ST3GAL6: variants seen among roughly 807,000 people sequenced by gnomAD.
ST3GAL6 encodes the protein type 2 lactosamine alpha-2,3-sialyltransferase.
ST3GAL6 carries 31 observed loss-of-function variants against 40.5 expected under a neutral mutation model. That is an observed-to-expected ratio of 0.77 (90% CI 0.58 to 1.03). The LOEUF is 1.03. ST3GAL6 is among the 50% of genes least tolerant of loss of function. ST3GAL6 has a pLI of 0.00. For synonymous variants in ST3GAL6, 129 were observed against 136.9 expected, an observed-to-expected ratio of 0.94 and a Z score of 0.40; for missense variants, 357 against 393.2, an observed-to-expected ratio of 0.91 and a Z score of 0.78.
At chr3:98,783,907 G>T (rs914373543) in intron 5 of ST3GAL6, among the ~76,000 whole-genome samples, 10 of 152,200 alleles carry the variant, frequency 6.6e-5, no homozygotes, top group African/African-American at 1.9e-4. Context: ...AATGAATATA[G>T]GAGTGTGTAC....
rs1397123176 is a variant in ST3GAL6, at chr3:98,772,899, A to G, written c.254A>G (p.Tyr85Cys). 3.1e-6 allele frequency: 5 copies of G among 1,610,902 alleles called. No individual in the cohort carries two copies. Among genetic ancestry groups the G allele is most frequent in the South Asian group, 2.2e-5 (2 of 90,958 alleles). The change falls in exon 4 of 10, where the codon TAT becomes TGT. Residue 85 changes from tyrosine to cysteine, a missense_variant. By Grantham distance (194) the Tyr-to-Cys change is radical. Transcript: ENST00000483910. ...LYGSDKFDLP[Y>C]GMRTSAEYFR... ...GGTAGCGATAAGTTTGATTTGCCCT[A>G]TGGGATGAGAACATCAGGTCAGTAG... is the stretch of plus-strand genomic sequence containing the variant.
At chr3:98,763,569 C>A in intron 1 of ST3GAL6, 130 bp downstream of exon 1, 1 of 837,468 alleles carries the variant, frequency 1.2e-6, no homozygotes, top group Non-Finnish European at 1.7e-6. Context: ...CTCTTATTTG[C>A]ACAAAGATGT....
intron 1 of ST3GAL6, among the ~76,000 whole-genome samples, chr3:98,753,410 G>A (rs1937174238): frequency 6.6e-6 from 1 of 152,206 alleles, no homozygotes; most frequent in Non-Finnish European, 1.5e-5. Context: ...TTAAAGAAGA[G>A]GCTGCAACAA....
intron 4 of ST3GAL6, chr3:98,773,617 C>T (rs1274212060): frequency 9.4e-6 from 2 of 212,156 alleles, no homozygotes; most frequent in Non-Finnish European, 1.8e-5. Flanking sequence ...GTTAAACTTA[C>T]TATTTCTATT....
At chr3:98,754,394 C>G (rs1440606158) in intron 1 of ST3GAL6, among the ~76,000 whole-genome samples, 1 of 152,162 alleles carries the variant, frequency 6.6e-6, no homozygotes, top group Admixed American at 6.5e-5. Flanking sequence ...TGAATTGTTA[C>G]AAACTCATAA....
At chr3:98,761,920 G>C (rs1254007744), upstream of ST3GAL6, among the ~76,000 whole-genome samples, 4 of 152,164 alleles carry the variant, frequency 2.6e-5, no homozygotes, top group Non-Finnish European at 4.4e-5. Flanking sequence ...AGTGTGTCCT[G>C]TTGTGCTATT....
At chr3:98,743,901 TC>T (rs1336903740) in intron 1 of ST3GAL6, among the ~76,000 whole-genome samples, 246 of 87,014 alleles carry the variant, frequency 2.8e-3, no homozygotes, top group Admixed American at 0.011. Flanking sequence ...TGTGCCCCCC[TC>T]CCCCCCCCGC....
In ST3GAL6 at chr3:98,735,347, T is replaced by C. The variant is rs180696432; in HGVS notation, c.-12+2815T>C. ...TTGCCTGGCATATCCTCCATTTATA[T>C]ATACCTTGGTCTGAATATGCCTTTC... On this transcript the variant is annotated intron_variant, in intron 1 of 9. Coordinates refer to the ST3GAL6 transcript ENST00000265261. Among the ~76,000 whole-genome samples the C allele has an allele frequency of 4.6e-4, 70 of 152,334 alleles. 1 individual carries two copies. The highest frequency in any genetic ancestry group is 1.6e-3 in the African/African-American group (65 of 41,572).
intron 5 of ST3GAL6, among the ~76,000 whole-genome samples, chr3:98,782,013 A>T (rs1340000779): frequency 6.6e-6 from 1 of 152,152 alleles, no homozygotes; most frequent in East Asian, 1.9e-4. Context: ...TAGCATATTC[A>T]TGGGATGATT....
At chr3:98,779,059 G>A (rs978321934) in intron 5 of ST3GAL6, among the ~76,000 whole-genome samples, 1 of 152,214 alleles carries the variant, frequency 6.6e-6, no homozygotes, top group Non-Finnish European at 1.5e-5. Context: ...TATGTTTGGA[G>A]TGGCCCTGGT....
At chr3:98,739,635 G>GTTGCA (rs953884916) in intron 1 of ST3GAL6, among the ~76,000 whole-genome samples, 65 of 152,192 alleles carry the variant, frequency 4.3e-4, no homozygotes, top group Admixed American at 3.9e-4. Context: ...ACTTTAATAT[G>GTTGCA]TAAGAGTCCT....
upstream of ST3GAL6, among the ~76,000 whole-genome samples, chr3:98,759,386 G>A (rs1937581606): frequency 6.6e-6 from 1 of 152,162 alleles, no homozygotes; most frequent in African/African-American, 2.4e-5. Flanking sequence ...TTCTGGAACT[G>A]AAAACCGTAG....
rs1161405318 is a variant in ST3GAL6 at position 98,772,881 on chromosome 3, A to G, written c.236A>G (p.Asp79Gly). 1 of 1,612,936 alleles carries G rather than the reference A, an allele frequency of 6.2e-7. No homozygotes were observed. The highest frequency in any genetic ancestry group is 8.5e-7 in the Non-Finnish European group (1 of 1,179,190). The change falls in exon 4 of 10, where the codon GAT (aspartate) becomes GGT (glycine). Residue 79 changes from aspartate (D) to glycine (G), a missense_variant. Coordinates refer to ENST00000483910, the MANE Select transcript of ST3GAL6 (RefSeq NM_001323368.2). ...AAGATTGCTTCCTTGTATGGTAGCGATAAGTTTGATTTGCCCTATGGGATG... is the reference window on the plus strand; with the variant it reads ...AAGATTGCTTCCTTGTATGGTAGCGGTAAGTTTGATTTGCCCTATGGGATG... ...FRKIASLYGS[D>G]KFDLPYGMRT...
chr3:98,789,464 T>C (rs1021043298), intron 8 of ST3GAL6, among the ~76,000 whole-genome samples: 1 of 152,222 alleles, frequency 6.6e-6, no homozygotes, highest in Non-Finnish European at 1.5e-5. Context: ...TTCAGTATAA[T>C]TATGATTATA....
chr3:98,761,807 T>C (rs1451286217), upstream of ST3GAL6, among the ~76,000 whole-genome samples: 1 of 152,236 alleles, frequency 6.6e-6, no homozygotes, highest in Non-Finnish European at 1.5e-5. Context: ...CTTACTTGTG[T>C]ACTTGCAATG....
chr3:98,768,878 A>T (rs1169765484), intron 2 of ST3GAL6, among the ~76,000 whole-genome samples: 1 of 152,174 alleles, frequency 6.6e-6, no homozygotes. Context: ...TGCTTAAGAG[A>T]TTATTGATAA....
intron 5 of ST3GAL6, chr3:98,782,344 C>T (rs956285605): frequency 8.6e-6 from 6 of 699,976 alleles, no homozygotes; most frequent in Non-Finnish European, 1.3e-5. Context: ...TAATTACAGC[C>T]ATTGATAGGG....
chr3:98,755,017 C>T (rs957879127), intron 1 of ST3GAL6, among the ~76,000 whole-genome samples: 1 of 152,142 alleles, frequency 6.6e-6, no homozygotes, highest in South Asian at 2.1e-4. Context: ...CATGCAATAT[C>T]TCTTCAGTGT....
chr3:98,756,865 A>G (rs1000721071), intron 1 of ST3GAL6, among the ~76,000 whole-genome samples: 4 of 152,218 alleles, frequency 2.6e-5, no homozygotes, highest in Admixed American at 6.5e-5. Context: ...TAAAATTAGA[A>G]CATTATATGC....
Sources: allele counts gnomAD v4.1 joint callset (sites outside exome capture counted in the v4.1 genomes callset), GRCh38; gene constraint gnomAD v4.1.1; transcripts MANE v1.5; gene names NCBI Gene and HGNC (gene_info 2026-07-23, HGNC 2026-07-21).